The following APCDD1L variants were observed in gnomAD, a reference collection of about 807,000 sequenced individuals.
APCDD1L encodes the protein APC down-regulated 1 like, also known as protein APCDD1-like.
In APCDD1L, 21 loss-of-function variants were observed where a neutral mutation model predicts 24.2. The observed-to-expected ratio is 0.87, with a 90% CI of 0.61 to 1.25. The LOEUF (loss-of-function observed/expected upper bound fraction) is 1.25. APCDD1L is among the 50% of genes most tolerant of loss of function. APCDD1L has a pLI of 0.00. For missense variants in APCDD1L, 704 were observed against 711.7 expected, an observed-to-expected ratio of 0.99 and a Z score of 0.12; for synonymous variants, 321 against 323.6, an observed-to-expected ratio of 0.99 and a Z score of 0.09.
In APCDD1L at chr20:58,467,373, G is replaced by T. The variant is rs1294954341; in HGVS notation, c.474C>A (p.Cys158Ter). The part of the protein sequence containing the change: ...RLNQTRAGRD[C>*]ARRLPPARAW... The stretch of plus-strand genomic sequence containing the variant: ...CCCGGGCCGGAGGCAGCCGCCGCGC[G>T]CAGTCCCGGCCGGCGCGGGTCTGGT... Residue 158 changes from cysteine (C) to a stop codon, truncating the protein, a stop_gained, in exon 3 of 4, where the codon TGC (cysteine) becomes TGA (stop). Coordinates refer to ENST00000371149, the MANE Select transcript of APCDD1L (RefSeq NM_153360.3). LOFTEE classifies it high-confidence loss of function. The surrounding 1 kb of genome is among the most constrained non-coding windows in gnomAD (Gnocchi z 5.9). 4.0e-6 allele frequency: 6 copies of T among 1,484,146 alleles called. No homozygotes were observed. Among genetic ancestry groups the T allele is most frequent in the East Asian group, 2.8e-5 (1 of 36,084 alleles). 91.9% of individuals were successfully genotyped at this position (1,484,146 alleles called of 1,614,324 possible). A position where few individuals can be genotyped will look rare whatever the true frequency, so the allele number is the denominator to read the frequency against.
intron 1 of APCDD1L, among the ~76,000 whole-genome samples, chr20:58,495,530 G>A (rs746985506): frequency 6.9e-4 from 105 of 151,938 alleles, no homozygotes; most frequent in Middle Eastern, 3.4e-3. Flanking sequence ...CCTGTGCCCC[G>A]AGGGCAGGGA....
chr20:58,486,248 C>T (rs1358231633), intron 1 of APCDD1L, among the ~76,000 whole-genome samples: 1 of 151,970 alleles, frequency 6.6e-6, no homozygotes, highest in African/African-American at 2.4e-5. Flanking sequence ...ACAGCATGAG[C>T]CTGTAAAAAT....
In APCDD1L at chr20:58,467,092, A is replaced by G. The variant is rs1238036122; in HGVS notation, c.741+14T>C. ...CACCACCCCCCTCTCCCACACCCCAACACACACACTCACCAGTGCGCTCTG... is the reference window on the plus strand; with the variant it reads ...CACCACCCCCCTCTCCCACACCCCAGCACACACACTCACCAGTGCGCTCTG... On this transcript the variant is annotated intron_variant, in intron 3 of 3. Transcript: ENST00000371149. This position sits in a 1 kb window ranked among gnomAD's most constrained non-coding sequence, Gnocchi z 5.9. The G allele has an allele frequency of 2.5e-6, 4 of 1,589,856 alleles. No individual in the cohort carries two copies. Among genetic ancestry groups the G allele is most frequent in the Non-Finnish European group, 2.6e-6 (3 of 1,171,850 alleles).
chr20:58,481,362 C>T lies in APCDD1L; in HGVS notation c.50-10615G>A, dbSNP rs1423823011. ...CAATAAGAACGAAGGTGTTCGTATA[C>T]ATCATGGCGAAGACCCCTCAGAACC... On this transcript the variant is annotated intron_variant, in intron 1 of 3. Transcript: ENST00000371149. Among the ~76,000 whole-genome samples the T allele has an allele frequency of 2.0e-5, 3 of 152,244 alleles. No homozygotes were observed. In the East Asian group the frequency reaches 5.8e-4, roughly 29 times the overall value.
At chr20:58,493,818 A>G (rs1256775133) in intron 1 of APCDD1L, among the ~76,000 whole-genome samples, 1 of 152,222 alleles carries the variant, frequency 6.6e-6, no homozygotes, top group Non-Finnish European at 1.5e-5. Context: ...CATTATGTTC[A>G]CAGCTGACCT....
intron 1 of APCDD1L, among the ~76,000 whole-genome samples, chr20:58,481,503 G>A (rs1249702942): frequency 1.3e-5 from 2 of 152,166 alleles, no homozygotes; most frequent in Admixed American, 6.5e-5. Flanking sequence ...GAATCTTGTC[G>A]GGCCGCAGAA....
chr20:58,505,999 G>T (rs1322232085), intron 1 of APCDD1L, among the ~76,000 whole-genome samples: 1 of 152,144 alleles, frequency 6.6e-6, no homozygotes. Flanking sequence ...CCTTCTACAG[G>T]CTTCAGAGGG....
At chr20:58,486,309 A>C (rs1359670049) in intron 1 of APCDD1L, among the ~76,000 whole-genome samples, 1 of 152,238 alleles carries the variant, frequency 6.6e-6, no homozygotes, top group Admixed American at 6.5e-5. Flanking sequence ...AAACAAAAAT[A>C]ACGTTGTTGA....
At chr20:58,475,587 A>G (rs1989891395) in intron 1 of APCDD1L, among the ~76,000 whole-genome samples, 1 of 152,146 alleles carries the variant, frequency 6.6e-6, no homozygotes, top group African/African-American at 2.4e-5. Context: ...AGGGTGGTGC[A>G]CGGAAGACGG....
chr20:58,462,568 G>A (rs954444680), intron 3 of APCDD1L, among the ~76,000 whole-genome samples: 2 of 152,196 alleles, frequency 1.3e-5, no homozygotes, highest in African/African-American at 4.8e-5. Flanking sequence ...TCTGAGCCGG[G>A]CACAGTGGCT....
At chr20:58,483,086 C>A (rs1990053812) in intron 1 of APCDD1L, among the ~76,000 whole-genome samples, 1 of 152,200 alleles carries the variant, frequency 6.6e-6, no homozygotes, top group Non-Finnish European at 1.5e-5. Context: ...GCCTTGAGGT[C>A]TTGCAGGACA....
At chr20:58,478,656 C>T (rs550262604) in intron 1 of APCDD1L, among the ~76,000 whole-genome samples, 52 of 152,194 alleles carry the variant, frequency 3.4e-4, no homozygotes, top group East Asian at 3.9e-4. Flanking sequence ...GACTACTTTT[C>T]GCTGAATGAA....
At chr20:58,504,217 G>T (rs1444062745) in intron 1 of APCDD1L, among the ~76,000 whole-genome samples, 1 of 152,170 alleles carries the variant, frequency 6.6e-6, no homozygotes, top group Non-Finnish European at 1.5e-5. Flanking sequence ...TCAACAAGTA[G>T]CCCAATGCAT....
At position 58,461,626 on chromosome 20, in the gene APCDD1L, C is replaced by T. The variant is rs1221552184; in HGVS notation, c.742-72G>A. The T allele has an allele frequency of 3.6e-6, 5 of 1,372,402 alleles. No individual in the cohort carries two copies. The highest frequency in any genetic ancestry group is 4.7e-6 in the Non-Finnish European group (5 of 1,056,530). 85.0% of individuals were successfully genotyped at this position (1,372,402 alleles called of 1,614,324 possible). A position where few individuals can be genotyped will look rare whatever the true frequency, so the allele number is the denominator to read the frequency against. On this transcript the variant is annotated intron_variant, in intron 3 of 3. Transcript: ENST00000371149. The surrounding 1 kb of genome is among the most constrained non-coding windows in gnomAD (Gnocchi z 6.0). ...GTTGGGGTGCAGCCTGGAAAGGAACCCCAGCTCTGTAGGGGTGTCAAGGCA... is the reference window on the plus strand; with the variant it reads ...GTTGGGGTGCAGCCTGGAAAGGAACTCCAGCTCTGTAGGGGTGTCAAGGCA...
intron 1 of APCDD1L, among the ~76,000 whole-genome samples, chr20:58,491,957 T>C (rs554921980): frequency 1.3e-5 from 2 of 152,176 alleles, no homozygotes; most frequent in African/African-American, 4.8e-5. Flanking sequence ...GGATTGCTGC[T>C]AAGTGGAGAA....
intron 1 of APCDD1L, among the ~76,000 whole-genome samples, chr20:58,509,835 A>G (rs1380436966): frequency 1.3e-5 from 2 of 152,180 alleles, no homozygotes; most frequent in Non-Finnish European, 2.9e-5. Flanking sequence ...GAGGCATCTC[A>G]TTCTTACCCT....
At chr20:58,474,970 T>C (rs1989879237) in intron 1 of APCDD1L, among the ~76,000 whole-genome samples, 1 of 152,114 alleles carries the variant, frequency 6.6e-6, no homozygotes, top group African/African-American at 2.4e-5. Flanking sequence ...AAAGATGGAA[T>C]CCCACACTCT....
chr20:58,492,828 GAC>G (rs1195181472), intron 1 of APCDD1L, among the ~76,000 whole-genome samples: 1 of 113,444 alleles, frequency 8.8e-6, no homozygotes, highest in Non-Finnish European at 1.8e-5. Context: ...CACATGCACT[GAC>G]ACACAATGCA....
intron 2 of APCDD1L, among the ~76,000 whole-genome samples, chr20:58,468,860 C>A (rs936583717): frequency 6.6e-6 from 1 of 152,086 alleles, no homozygotes; most frequent in Non-Finnish European, 1.5e-5. Context: ...GATCCCAGCC[C>A]ATTTTCTTGA....
Sources: allele counts gnomAD v4.1 joint callset (sites outside exome capture counted in the v4.1 genomes callset), GRCh38; gene constraint gnomAD v4.1.1; non-coding constraint Gnocchi (gnomAD v3.1); transcripts MANE v1.5; gene names NCBI Gene and HGNC (gene_info 2026-07-23, HGNC 2026-07-21).